SLCO2B1: variants seen among roughly 807,000 people sequenced by gnomAD.
SLCO2B1 encodes OATP-RP2.
In SLCO2B1, 41 loss-of-function variants were observed where a neutral mutation model predicts 67.3. That is an observed-to-expected ratio of 0.61 (90% CI 0.47 to 0.79). SLCO2B1 has a LOEUF of 0.79. Among genes scored for constraint, SLCO2B1 ranks in the 30% least tolerant of loss-of-function variants. SLCO2B1 has a pLI of 0.00. For missense variants in SLCO2B1, 837 were observed against 920.1 expected, an observed-to-expected ratio of 0.91 and a Z score of 1.17; for synonymous variants, 379 against 381.4, an observed-to-expected ratio of 0.99 and a Z score of 0.07.
chr11:75,172,289 C>T, intron 6 of SLCO2B1, 90 bp from the exon 7 acceptor site: 1 of 1,235,184 alleles, frequency 8.1e-7, no homozygotes, highest in Non-Finnish European at 1.1e-6. Context: ...CCTGGGCCAC[C>T]TCATGTCTCA....
chr11:75,204,283 G>A, intron 13 of SLCO2B1, 117 bp from the exon 14 acceptor site: 1 of 1,074,762 alleles, frequency 9.3e-7, no homozygotes, highest in Non-Finnish European at 1.3e-6. Flanking sequence ...AGCCACAGCA[G>A]AGGTCAATGT....
intron 1 of SLCO2B1, among the ~76,000 whole-genome samples, chr11:75,157,428 C>G (rs1355273304): frequency 6.6e-6 from 1 of 152,190 alleles, no homozygotes; most frequent in African/African-American, 2.4e-5. Context: ...GGAGGGATTA[C>G]AGTCTCTGCA....
chr11:75,182,364 C>A (rs1950101504), intron 7 of SLCO2B1, among the ~76,000 whole-genome samples: 1 of 152,230 alleles, frequency 6.6e-6, no homozygotes, highest in Admixed American at 6.5e-5. Context: ...TTTGGGGCCT[C>A]AGTTTCCTCT....
chr11:75,164,221 C>G (rs575959088), intron 3 of SLCO2B1, 121 bp downstream of exon 3: 1 of 1,111,592 alleles, frequency 9.0e-7, no homozygotes, highest in South Asian at 1.6e-5. Flanking sequence ...CTCAGGCAAC[C>G]CCTGTCCCAG....
chr11:75,173,463 C>T (rs896116386), intron 7 of SLCO2B1, among the ~76,000 whole-genome samples: 3 of 152,230 alleles, frequency 2.0e-5, no homozygotes, highest in Non-Finnish European at 4.4e-5. Flanking sequence ...AAGATCAGTC[C>T]GTGGCCTCCA....
chr11:75,190,504 G>A (rs1945001656), intron 8 of SLCO2B1, among the ~76,000 whole-genome samples: 1 of 151,916 alleles, frequency 6.6e-6, no homozygotes. Context: ...TCTCTGAGCT[G>A]GGGGAAGCCC....
At chr11:75,184,383 T>C (rs1339721009) in intron 7 of SLCO2B1, among the ~76,000 whole-genome samples, 1 of 152,236 alleles carries the variant, frequency 6.6e-6, no homozygotes, top group Non-Finnish European at 1.5e-5. Context: ...AAATAGACAT[T>C]CTTTATTTTA....
At position 75,204,272 on chromosome 11, in the gene SLCO2B1, G is replaced by A. The variant is rs1160147754; in HGVS notation, c.1950-128G>A. 13 of 976,640 alleles carry A rather than the reference G, an allele frequency of 1.3e-5. No individual in the cohort carries two copies. In the South Asian group the frequency reaches 2.2e-4, roughly 17 times the overall value. The allele number at this position is 976,640 out of a possible 1,614,324, so 60.5% of individuals were successfully genotyped here. A position where few individuals can be genotyped will look rare whatever the true frequency, so the allele number is the denominator to read the frequency against. ...GAGCCTCTCCCCCTCCTCCAGGGAA[G>A]AGCCACAGCAGAGGTCAATGTCTCC... is the stretch of plus-strand genomic sequence containing the variant. On this transcript the variant is annotated intron_variant, in intron 13 of 13. Coordinates refer to ENST00000289575, the MANE Select transcript of SLCO2B1 (RefSeq NM_007256.5).
chr11:75,179,342 C>T (rs948951190), intron 7 of SLCO2B1, among the ~76,000 whole-genome samples: 3 of 150,226 alleles, frequency 2.0e-5, no homozygotes, highest in Non-Finnish European at 3.0e-5. Flanking sequence ...AGCAATTCTC[C>T]TGCCTCAGCC....
chr11:75,196,774 A>C (rs1945107870), intron 10 of SLCO2B1, 95 bp downstream of exon 10: 16 of 1,099,740 alleles, frequency 1.5e-5, no homozygotes, highest in East Asian at 1.4e-4. Context: ...GCATGCTCTC[A>C]CTCTGTAGCT....
chr11:75,172,357 T>C, intron 6 of SLCO2B1, 22 bp from the exon 7 acceptor site: 1 of 1,600,544 alleles, frequency 6.2e-7, no homozygotes, highest in Non-Finnish European at 8.5e-7. Flanking sequence ...GACCCTAATG[T>C]CACCATGCTC....
rs1949684920 is a variant in SLCO2B1 at position 75,151,321 on chromosome 11, C to G, written c.-61C>G. 2 of 1,555,038 alleles carry G rather than the reference C, an allele frequency of 1.3e-6. No individual in the cohort carries two copies. Among genetic ancestry groups the G allele is most frequent in the African/African-American group, 2.7e-5 (2 of 73,942 alleles). On this transcript the variant is annotated 5_prime_UTR_variant, in exon 1 of 14. Coordinates refer to ENST00000289575, the MANE Select transcript of SLCO2B1 (RefSeq NM_007256.5). ...CCTGAGAAGATTTGCTTCCTCTCCC[C>G]TGCTAAGCTCCAGGTCCTGAGATTA...
In SLCO2B1 at chr11:75,205,498, C is replaced by G. The variant is rs1184122271; in HGVS notation, c.*918C>G. On this transcript the variant is annotated 3_prime_UTR_variant, in exon 14 of 14. Coordinates refer to ENST00000289575, the MANE Select transcript of SLCO2B1 (RefSeq NM_007256.5). ...TTTCACACATGTGACCAGGGGCCACCAAAGTCCCTGTGACCTTTGTGACTA... is the reference window on the plus strand; with the variant it reads ...TTTCACACATGTGACCAGGGGCCACGAAAGTCCCTGTGACCTTTGTGACTA... The G allele has an allele frequency of 1.3e-5, 2 of 152,282 alleles. No homozygotes were observed. The highest frequency in any genetic ancestry group is 2.9e-5 in the Non-Finnish European group (2 of 68,072). 9.4% of individuals were successfully genotyped at this position (152,282 alleles called of 1,614,324 possible). A position where few individuals can be genotyped will look rare whatever the true frequency, so the allele number is the denominator to read the frequency against.
At chr11:75,152,554 A>C (rs1261917985) in intron 1 of SLCO2B1, 1 of 152,364 alleles carries the variant, frequency 6.6e-6, no homozygotes, top group Non-Finnish European at 1.5e-5. Context: ...GGCGGTGTGA[A>C]TGGGCCATTG....
intron 1 of SLCO2B1, among the ~76,000 whole-genome samples, chr11:75,152,982 C>T (rs892655809): frequency 5.3e-5 from 8 of 152,134 alleles, no homozygotes; most frequent in East Asian, 1.9e-4. Context: ...AGTTCAGATC[C>T]GGCTCCAGCA....
At chr11:75,154,526 G>A (rs1949725118) in intron 1 of SLCO2B1, among the ~76,000 whole-genome samples, 1 of 152,074 alleles carries the variant, frequency 6.6e-6, no homozygotes, top group African/African-American at 2.4e-5. Context: ...AACAACAAAT[G>A]AGGAAATAAA....
chr11:75,179,990 C>T (rs1339046314), intron 7 of SLCO2B1, among the ~76,000 whole-genome samples: 1 of 151,012 alleles, frequency 6.6e-6, no homozygotes, highest in Non-Finnish European at 1.5e-5. Flanking sequence ...CCACACCTGG[C>T]CCTGGTCCCT....
intron 4 of SLCO2B1, among the ~76,000 whole-genome samples, chr11:75,168,818 C>T (rs543178787): frequency 6.6e-5 from 10 of 152,308 alleles, no homozygotes; most frequent in Middle Eastern, 6.8e-3. Flanking sequence ...TTTATTCTTC[C>T]GGACCCAGTT....
chr11:75,164,044 GAGAAGCGCTTCGGCCTCT>G lies in SLCO2B1; in HGVS notation c.230_247del (p.Glu77_Ser83delinsAla). On this transcript the variant is annotated inframe_deletion, in exon 3 of 14. Coordinates refer to ENST00000289575, the MANE Select transcript of SLCO2B1 (RefSeq NM_007256.5). ...CCTAAAGAGCTCCATCTCCACAGTG[GAGAAGCGCTTCGGCCTCT>G]CCAGCCAGACGTCGGGGCTGCTGGC... 5.6e-6 allele frequency: 9 copies of G among 1,607,862 alleles called. No homozygotes were observed. Among genetic ancestry groups the G allele is most frequent in the Non-Finnish European group, 7.6e-6 (9 of 1,177,364 alleles).
Sources: gnomAD v4.1 joint callset for allele counts (sites outside exome capture counted in the v4.1 genomes callset) on GRCh38, gnomAD v4.1.1 for gene constraint, MANE v1.5 for transcripts, NCBI Gene and HGNC (gene_info 2026-07-23, HGNC 2026-07-21) for gene names.